The following NBEA variants were observed in gnomAD, a reference collection of about 807,000 sequenced individuals.
NBEA encodes neurobeachin, also known as lysosomal-trafficking regulator 2.
NBEA carries 44 observed loss-of-function variants against 343.4 expected under a neutral mutation model. That is an observed-to-expected ratio of 0.13 (90% CI 0.10 to 0.16). The LOEUF (loss-of-function observed/expected upper bound fraction) is 0.16, where lower values mean the gene tolerates loss of function less well. Ranked by LOEUF, NBEA falls within the 10% of genes least tolerant of loss-of-function variation. The probability of loss-of-function intolerance (pLI) is 1.00; values close to 1 mark genes in which losing one functional copy is unlikely to be tolerated. For missense variants in NBEA, 2,555 were observed against 3,631.3 expected, an observed-to-expected ratio of 0.70 and a Z score of 7.62; for synonymous variants, 1,175 against 1,238.7, an observed-to-expected ratio of 0.95 and a Z score of 1.08.
In NBEA at chr13:34,970,565, A is replaced by G. The variant is rs73490361; in HGVS notation, c.294+27451A>G. ...CTTGAGTTTATTTTTGTATATGGTA[A>G]AAGGAAGGAGTCCAGTTTCCATCTT... On this transcript the variant is annotated intron_variant, in intron 1 of 58. Transcript: ENST00000379939. Among the ~76,000 whole-genome samples the G allele has an allele frequency of 6.4e-3, 969 of 152,156 alleles. 11 individuals carry two copies. The highest frequency in any genetic ancestry group is 0.022 in the African/African-American group (928 of 41,532).
At chr13:35,185,457 G>T (rs1414793850) in intron 30 of NBEA, 2 of 152,114 alleles carry the variant, frequency 1.3e-5, no homozygotes, top group African/African-American at 4.8e-5. Context: ...ATGATGAAAT[G>T]AAGGGAAAAA....
chr13:35,444,720 A>G (rs1341977135), intron 39 of NBEA, among the ~76,000 whole-genome samples: 2 of 152,076 alleles, frequency 1.3e-5, no homozygotes, highest in Non-Finnish European at 2.9e-5. Flanking sequence ...TATTAAATGC[A>G]TTATCTCTTC....
chr13:35,110,928 A>T lies in NBEA; in HGVS notation c.1952A>T (p.Tyr651Phe). Residue 651 changes from tyrosine to phenylalanine, a missense_variant, in exon 13 of 59, where the codon TAC becomes TTC. Tyr to Phe is a conservative substitution (Grantham distance 22, BLOSUM62 3). This residue lies in a region of NBEA where 360 missense variants were observed against 519.1 expected (regional missense o/e 0.69). Transcript: ENST00000379939. ...CTAATGCACACCTTAAAATATTACT[A>T]CTGGGTTATTAATCCTGCTGACAGT... ...LQLMHTLKYY[Y>F]WVINPADSSG... 1 of 1,612,378 alleles carries T rather than the reference A, an allele frequency of 6.2e-7. No homozygotes were observed. The highest frequency in any genetic ancestry group is 8.5e-7 in the Non-Finnish European group (1 of 1,178,712).
intron 1 of NBEA, among the ~76,000 whole-genome samples, chr13:34,956,934 A>C (rs1051114132): frequency 6.6e-6 from 1 of 152,018 alleles, no homozygotes; most frequent in African/African-American, 2.4e-5. Context: ...TACAGGTGTG[A>C]GCCACTGCAC....
chr13:35,161,276 T>C (rs907227794), intron 22 of NBEA, among the ~76,000 whole-genome samples: 4 of 152,214 alleles, frequency 2.6e-5, no homozygotes, highest in African/African-American at 9.7e-5. Context: ...CAAATGCATT[T>C]GTGTTTTTGA....
intron 10 of NBEA, among the ~76,000 whole-genome samples, chr13:35,089,354 A>C (rs1324448063): frequency 2.6e-5 from 4 of 151,218 alleles, no homozygotes; most frequent in African/African-American, 9.7e-5. Context: ...TCAAAACTGC[A>C]ATGAGATACC....
In NBEA at chr13:35,211,192, A is replaced by G. The variant is rs2073746538; in HGVS notation, c.5648+13A>G. 1.9e-6 allele frequency: 3 copies of G among 1,542,186 alleles called. No individual in the cohort carries two copies. The highest frequency in any genetic ancestry group is 2.6e-6 in the Non-Finnish European group (3 of 1,143,128). The stretch of plus-strand genomic sequence containing the variant: ...CTGAAAATATGAGGTATGCATGACT[A>G]CTTTTTATTCATTTTAACTCTTTTT... On this transcript the variant is annotated intron_variant, in intron 33 of 58. Coordinates refer to ENST00000379939, the MANE Select transcript of NBEA (RefSeq NM_001385012.1).
Position 35,670,476 on chromosome 13 carries a change from G to A in NBEA, c.8814-425G>A, listed in dbSNP as rs527340372. ...TTTACGTCCAGGGAGACTGTGGACC[G>A]AGAGGACAAGAGGTGGAGTGATTCA... On this transcript the variant is annotated intron_variant, in intron 58 of 58. Transcript: ENST00000379939. 3.3e-5 allele frequency among the ~76,000 whole-genome samples: 5 copies of A among 152,294 alleles called. No individual in the cohort carries two copies. The East Asian group carries it at 7.7e-4, about 24-fold the overall frequency.
intron 41 of NBEA, among the ~76,000 whole-genome samples, chr13:35,526,650 G>T (rs368146832): frequency 5.6e-4 from 85 of 152,204 alleles, no homozygotes; most frequent in African/African-American, 1.9e-3. Context: ...CACTGGGCTT[G>T]TTCTGCCCAC....
chr13:35,233,997 T>A (rs1244120007), intron 34 of NBEA, among the ~76,000 whole-genome samples: 1 of 152,092 alleles, frequency 6.6e-6, no homozygotes. Context: ...GCTTATTAGA[T>A]GAGGAGTGTT....
chr13:35,327,170 T>G (rs931392371), intron 36 of NBEA, among the ~76,000 whole-genome samples: 1 of 152,060 alleles, frequency 6.6e-6, no homozygotes, highest in Non-Finnish European at 1.5e-5. Flanking sequence ...GCTTATACAC[T>G]GTTGATGGAA....
intron 36 of NBEA, among the ~76,000 whole-genome samples, chr13:35,331,749 C>A (rs1161707858): frequency 6.6e-6 from 1 of 151,940 alleles, no homozygotes; most frequent in African/African-American, 2.4e-5. Flanking sequence ...TTCTGGTATT[C>A]ATGACAACTC....
intron 18 of NBEA, among the ~76,000 whole-genome samples, chr13:35,151,371 C>T (rs577230740): frequency 6.6e-6 from 1 of 151,702 alleles, no homozygotes; most frequent in South Asian, 2.1e-4. Flanking sequence ...TGGAGAAACC[C>T]CATCACTACT....
chr13:35,461,692 T>TACCATA (rs1399467987), intron 40 of NBEA, among the ~76,000 whole-genome samples: 1 of 152,174 alleles, frequency 6.6e-6, no homozygotes, highest in Non-Finnish European at 1.5e-5. Flanking sequence ...CCTAAGAGTG[T>TACCATA]CCTGGTCCTC....
chr13:35,540,130 G>T (rs556534644), intron 41 of NBEA, among the ~76,000 whole-genome samples: 20 of 151,970 alleles, frequency 1.3e-4, no homozygotes, highest in Non-Finnish European at 2.8e-4. Flanking sequence ...TTTAAAAAGA[G>T]AAAATAATTT....
In NBEA at chr13:35,583,914, A is replaced by G; in HGVS notation, c.7052A>G (p.Asn2351Ser). The change falls in exon 46 of 59, where the codon AAC becomes AGC. Residue 2351 changes from asparagine to serine, a missense_variant. Transcript: ENST00000379939. ...TTTTAATAGCCAATTGGTGCTTTGA[A>G]CCCCAAGAGAGCTGTGTTTTATGCA... ...RDLSKPIGAL[N>S]PKRAVFYAER... 2 of 1,610,396 alleles carry G rather than the reference A, an allele frequency of 1.2e-6. No homozygotes were observed. Among genetic ancestry groups the G allele is most frequent in the Non-Finnish European group, 1.7e-6 (2 of 1,178,992 alleles).
intron 36 of NBEA, among the ~76,000 whole-genome samples, chr13:35,345,222 A>G (rs1273017731): frequency 2.6e-5 from 4 of 152,106 alleles, no homozygotes; most frequent in Admixed American, 6.6e-5. Context: ...GAATACTCTT[A>G]GCAAATTAAG....
intron 38 of NBEA, among the ~76,000 whole-genome samples, chr13:35,364,199 T>TC (rs1171524413): frequency 1.3e-5 from 2 of 151,878 alleles, no homozygotes; most frequent in Non-Finnish European, 2.9e-5. Flanking sequence ...CTAGGAAACA[T>TC]CCTTGATTTA....
intron 47 of NBEA, among the ~76,000 whole-genome samples, chr13:35,598,869 A>T (rs777394434): frequency 5.3e-5 from 8 of 152,208 alleles, no homozygotes; most frequent in Admixed American, 6.5e-5. Flanking sequence ...TCTTTTGCCA[A>T]CTGAAGAGAG....
Sources: gnomAD v4.1 joint callset for allele counts (sites outside exome capture counted in the v4.1 genomes callset) on GRCh38, gnomAD v4.1.1 for gene constraint, gnomAD v4.1.1 regional missense constraint, MANE v1.5 for transcripts, NCBI Gene and HGNC (gene_info 2026-07-23, HGNC 2026-07-21) for gene names.